Variants in ST3GAL1 observed in about 807,000 individuals in gnomAD.
The protein encoded by ST3GAL1 is ST3 beta-galactoside alpha-2,3-sialyltransferase 1.
A neutral mutation model predicts 34.1 loss-of-function variants in ST3GAL1; 16 were observed. The ratio of observed to expected loss-of-function variants is 0.47; its 90% confidence interval spans 0.32 to 0.71. ST3GAL1 has a LOEUF of 0.71. Ranked by LOEUF, ST3GAL1 falls within the 30% of genes least tolerant of loss-of-function variation. The probability of loss-of-function intolerance (pLI) is 0.04; values close to 1 mark genes in which losing one functional copy is unlikely to be tolerated. For missense variants in ST3GAL1, 353 were observed against 447.4 expected, an observed-to-expected ratio of 0.79 and a Z score of 1.90; for synonymous variants, 191 against 184.7, an observed-to-expected ratio of 1.03 and a Z score of -0.28.
intron 2 of ST3GAL1, among the ~76,000 whole-genome samples, chr8:133,530,069 C>T (rs1818102866): frequency 6.6e-6 from 1 of 152,212 alleles, no homozygotes. Context: ...GAAGTGTCCC[C>T]AGGGCTCTGA....
rs141129922 is a variant in ST3GAL1, at chr8:133,556,175, C to T, written c.-581-10249G>A. Among the ~76,000 whole-genome samples, 4 of 152,254 alleles carry T rather than the reference C, an allele frequency of 2.6e-5. No homozygotes were observed. In the East Asian group the frequency reaches 7.7e-4, roughly 29 times the overall value. On this transcript the variant is annotated intron_variant, in intron 1 of 9. Transcript: ENST00000522652. This position sits in a 1 kb window ranked among gnomAD's most constrained non-coding sequence, Gnocchi z 8.9. ...CCTCCCAAAGTGCTAGGATTGCAGGCATGAGCCACCATGCCCAGCTTGTTT... is the reference window on the plus strand; with the variant it reads ...CCTCCCAAAGTGCTAGGATTGCAGGTATGAGCCACCATGCCCAGCTTGTTT...
chr8:133,530,210 G>A (rs989904783), intron 2 of ST3GAL1, among the ~76,000 whole-genome samples: 8 of 152,164 alleles, frequency 5.3e-5, no homozygotes, highest in Non-Finnish European at 8.8e-5. Context: ...TCACGCTGAG[G>A]ACCTGGACGC....
At chr8:133,472,221 T>C (rs1394698353) in intron 5 of ST3GAL1, among the ~76,000 whole-genome samples, 1 of 152,146 alleles carries the variant, frequency 6.6e-6, no homozygotes, top group Admixed American at 6.5e-5. Context: ...CCCTGGTGAC[T>C]GCTCCTGTGT....
rs1819537633 is a variant in ST3GAL1 at position 133,570,571 on chromosome 8, CA to C, written c.-582+1121del. Among the ~76,000 whole-genome samples, 1 of 152,150 alleles carries C rather than the reference CA, an allele frequency of 6.6e-6. No individual in the cohort carries two copies. The highest frequency in any genetic ancestry group is 2.4e-5 in the African/African-American group (1 of 41,450). Reference sequence around the variant, plus strand: ...CTGACGAGCAGAGCCAGACGATCCCCACACGCTTCCTGGGAGACCCGGCTGC... The same window carrying C: ...CTGACGAGCAGAGCCAGACGATCCCCCACGCTTCCTGGGAGACCCGGCTGC... On this transcript the variant is annotated intron_variant, in intron 1 of 9. Transcript: ENST00000522652. The surrounding 1 kb of genome is among the most constrained non-coding windows in gnomAD (Gnocchi z 5.6).
rs537133978 is a variant in ST3GAL1, at chr8:133,495,468, C to A, written c.-374+3667G>T. Among the ~76,000 whole-genome samples, 3 of 152,304 alleles carry A rather than the reference C, an allele frequency of 2.0e-5. No individual in the cohort carries two copies. In the East Asian group the frequency reaches 5.8e-4, roughly 29 times the overall value. On this transcript the variant is annotated intron_variant, in intron 3 of 9. Coordinates refer to ENST00000522652, the MANE Select transcript of ST3GAL1 (RefSeq NM_173344.3). ...ATTTACCCAATTTCGCACTTAATTT[C>A]GCACTTAAATTGTTAGACGTAGGAT...
chr8:133,547,868 T>C (rs2131078593), intron 1 of ST3GAL1, among the ~76,000 whole-genome samples: 1 of 152,166 alleles, frequency 6.6e-6, no homozygotes, highest in Non-Finnish European at 1.5e-5. Context: ...TATGAAGAGA[T>C]AATGAGGGCC....
intron 3 of ST3GAL1, among the ~76,000 whole-genome samples, chr8:133,492,659 T>C (rs1488770138): frequency 6.6e-6 from 1 of 151,594 alleles, no homozygotes; most frequent in Admixed American, 6.6e-5. Flanking sequence ...GAGGTGGAGG[T>C]TGTAGTGAGC....
chr8:133,471,933 T>C (rs1051525892), intron 5 of ST3GAL1, among the ~76,000 whole-genome samples: 3 of 151,950 alleles, frequency 2.0e-5, no homozygotes, highest in Admixed American at 1.3e-4. Flanking sequence ...GAATGTCCCC[T>C]GCGTATCACA....
intron 3 of ST3GAL1, among the ~76,000 whole-genome samples, chr8:133,497,272 G>A (rs1816980033): frequency 6.6e-6 from 1 of 152,160 alleles, no homozygotes. Flanking sequence ...ACAGTGGACT[G>A]CAGTGTGCTG....
intron 1 of ST3GAL1, among the ~76,000 whole-genome samples, chr8:133,568,800 C>T (rs760524485): frequency 6.6e-6 from 1 of 152,036 alleles, no homozygotes; most frequent in Non-Finnish European, 1.5e-5. Context: ...TGTCCTGGCT[C>T]GGGGGCTGCT....
chr8:133,544,627 G>A lies in ST3GAL1; in HGVS notation c.-429+1147C>T, dbSNP rs184121569. Among the ~76,000 whole-genome samples, 3 of 152,218 alleles carry A rather than the reference G, an allele frequency of 2.0e-5. No homozygotes were observed. The East Asian group carries it at 5.8e-4, about 29-fold the overall frequency. On this transcript the variant is annotated intron_variant, in intron 2 of 9. Coordinates refer to ENST00000522652, the MANE Select transcript of ST3GAL1 (RefSeq NM_173344.3). ...CGATTGCTTCTTCCCCTTTAGAGGA[G>A]GCCTCACACGGCCCCTGACCTACCT...
chr8:133,499,528 G>A (rs1817080986), intron 2 of ST3GAL1: 1 of 152,182 alleles, frequency 6.6e-6, no homozygotes, highest in Non-Finnish European at 1.5e-5. Context: ...GCAAAACACC[G>A]AAATGGGGGA....
At chr8:133,535,975 GC>G (rs1439616309) in intron 2 of ST3GAL1, among the ~76,000 whole-genome samples, 1 of 152,162 alleles carries the variant, frequency 6.6e-6, no homozygotes, top group Non-Finnish European at 1.5e-5. Flanking sequence ...CTGGAACCAA[GC>G]CTGAAATATC....
At position 133,466,897 on chromosome 8, in the gene ST3GAL1, G is replaced by T. The variant is rs1403342244; in HGVS notation, c.307-807C>A. Among the ~76,000 whole-genome samples the T allele has an allele frequency of 6.6e-6, 1 of 152,158 alleles. No homozygotes were observed. Among genetic ancestry groups the T allele is most frequent in the East Asian group, 1.9e-4 (1 of 5,196 alleles). On this transcript the variant is annotated intron_variant, in intron 5 of 9. Transcript: ENST00000522652. This position sits in a 1 kb window ranked among gnomAD's most constrained non-coding sequence, Gnocchi z 4.4. ...GTGGATCACGAAGTCAGGAGTTTGAGACCAGCCTGGCCAATATGGTGAAAC... is the reference window on the plus strand; with the variant it reads ...GTGGATCACGAAGTCAGGAGTTTGATACCAGCCTGGCCAATATGGTGAAAC...
intron 6 of ST3GAL1, 166 bp downstream of exon 6, chr8:133,465,728 G>A: frequency 1.5e-6 from 1 of 651,296 alleles, no homozygotes. Context: ...ATGCAGAGAT[G>A]GGGAAGCTGA....
At chr8:133,517,587 T>C (rs1229471892) in intron 2 of ST3GAL1, among the ~76,000 whole-genome samples, 1 of 152,236 alleles carries the variant, frequency 6.6e-6, no homozygotes, top group Non-Finnish European at 1.5e-5. Flanking sequence ...TGACCTCAAG[T>C]GATCTGCCTG....
Position 133,477,499 on chromosome 8 carries a change from C to T in ST3GAL1, c.-373-899G>A, listed in dbSNP as rs150642365. Among the ~76,000 whole-genome samples, 303 of 151,838 alleles carry T rather than the reference C, an allele frequency of 2.0e-3. 1 individual carries two copies. The highest frequency in any genetic ancestry group is 7.2e-3 in the African/African-American group (296 of 41,376). ...AAGGAGCAGGATCCGAGTCCAAATC[C>T]ACAGTCCTCTGATTCCTTACATCGG... On this transcript the variant is annotated intron_variant, in intron 3 of 9. Transcript: ENST00000522652.
chr8:133,552,094 C>T (rs1249245339), intron 1 of ST3GAL1, among the ~76,000 whole-genome samples: 5 of 152,178 alleles, frequency 3.3e-5, no homozygotes, highest in Non-Finnish European at 7.3e-5. Flanking sequence ...TGTGTTCTGC[C>T]CTGCTGGGGA....
At chr8:133,470,419 C>CA (rs537996116) in intron 5 of ST3GAL1, among the ~76,000 whole-genome samples, 7,227 of 110,912 alleles carry the variant, frequency 0.065, 200 homozygotes, top group African/African-American at 0.11. Flanking sequence ...AACTCCATGC[C>CA]AAAAAAAAAA....
Sources: allele counts gnomAD v4.1 joint callset (sites outside exome capture counted in the v4.1 genomes callset), GRCh38; gene constraint gnomAD v4.1.1; non-coding constraint Gnocchi (gnomAD v3.1); transcripts MANE v1.5; gene names NCBI Gene and HGNC (gene_info 2026-07-23, HGNC 2026-07-21).